Variants in RFX3 observed in about 807,000 individuals in gnomAD.
RFX3 encodes the protein regulatory factor X3.
A neutral mutation model predicts 98.6 loss-of-function variants in RFX3; 14 were observed. The observed-to-expected ratio is 0.14, with a 90% confidence interval of 0.09 to 0.22. RFX3 has a LOEUF of 0.22. RFX3 is among the 10% of genes least tolerant of loss of function. The pLI, the probability that RFX3 is intolerant of heterozygous loss-of-function variation, is 1.00. For missense variants in RFX3, 639 were observed against 926.9 expected, an observed-to-expected ratio of 0.69 and a Z score of 4.03; for synonymous variants, 383 against 328.4, an observed-to-expected ratio of 1.17 and a Z score of -1.80.
At chr9:3,399,583 A>T (rs1219045359) in intron 1 of RFX3, among the ~76,000 whole-genome samples, 2 of 152,206 alleles carry the variant, frequency 1.3e-5, no homozygotes, top group Non-Finnish European at 2.9e-5. Context: ...TGGCCTCTAT[A>T]GGCATTTGAG....
chr9:3,271,437 T>TTCCC (rs1297656248), intron 9 of RFX3, among the ~76,000 whole-genome samples: 5 of 151,678 alleles, frequency 3.3e-5, no homozygotes, highest in East Asian at 1.9e-4. Flanking sequence ...TCTTCTTTCC[T>TTCCC]TCCCTCCCTC....
At chr9:3,314,889 C>A (rs2130584279) in intron 4 of RFX3, among the ~76,000 whole-genome samples, 1 of 152,260 alleles carries the variant, frequency 6.6e-6, no homozygotes, top group East Asian at 1.9e-4. Flanking sequence ...CCTTAGAGAC[C>A]TACAAAGAGA....
chr9:3,450,348 AT>A (rs1846468468), intron 1 of RFX3, among the ~76,000 whole-genome samples: 1 of 152,166 alleles, frequency 6.6e-6, no homozygotes, highest in Admixed American at 6.5e-5. Context: ...GTTAAAATGT[AT>A]TTTAACTATC....
rs538127489 is a variant in RFX3 at position 3,293,100 on chromosome 9, T to C, written c.708A>G (p.Leu236=). The C allele has an allele frequency of 1.7e-5, 27 of 1,613,176 alleles. No individual in the cohort carries two copies. In the African/African-American group the frequency reaches 1.7e-4, roughly 10 times the overall value. Residue 236 remains leucine (L), a synonymous_variant, in exon 6 of 17, where the codon CTA becomes CTG. Transcript: ENST00000617270. ...ACCTAGTGCCCAATCTCCTGGTTCGTAGCCCCATAAAAATTGATCTTATTA... is the reference window on the plus strand; with the variant it reads ...ACCTAGTGCCCAATCTCCTGGTTCGCAGCCCCATAAAAATTGATCTTATTA... The part of the protein sequence containing the change: ...GKLIRSIFMG[L]RTRRLGTRGN...
intron 13 of RFX3, among the ~76,000 whole-genome samples, chr9:3,258,116 A>G (rs996738192): frequency 6.6e-6 from 1 of 152,160 alleles, no homozygotes; most frequent in Non-Finnish European, 1.5e-5. Flanking sequence ...TGAATAAACA[A>G]AACTAACCTC....
chr9:3,433,072 C>T (rs753141277), intron 1 of RFX3, among the ~76,000 whole-genome samples: 4 of 151,856 alleles, frequency 2.6e-5, no homozygotes, highest in African/African-American at 9.7e-5. Context: ...CTGCAGAAGC[C>T]GAGTATACAA....
chr9:3,513,423 A>G (rs552589837), intron 1 of RFX3, among the ~76,000 whole-genome samples: 89 of 152,158 alleles, frequency 5.8e-4, no homozygotes, highest in Non-Finnish European at 8.4e-4. Context: ...TTCATTTTTT[A>G]CCCCATTCCT....
At chr9:3,259,942 T>C (rs1451262169) in intron 13 of RFX3, among the ~76,000 whole-genome samples, 1 of 152,022 alleles carries the variant, frequency 6.6e-6, no homozygotes, top group African/African-American at 2.4e-5. Context: ...TGTCAGATTA[T>C]TGAGGTTCAT....
chr9:3,454,734 AT>A (rs1350263257), intron 1 of RFX3, among the ~76,000 whole-genome samples: 1 of 152,144 alleles, frequency 6.6e-6, no homozygotes, highest in African/African-American at 2.4e-5. Context: ...ATTATTGACT[AT>A]TTTTTTCCCC....
chr9:3,496,886 GGC>G (rs1851143595), intron 1 of RFX3, among the ~76,000 whole-genome samples: 1 of 151,930 alleles, frequency 6.6e-6, no homozygotes, highest in East Asian at 1.9e-4. Flanking sequence ...ATGTGGAACT[GGC>G]ATACAACTGT....
chr9:3,506,239 G>A (rs1482616193), intron 1 of RFX3, among the ~76,000 whole-genome samples: 1 of 151,292 alleles, frequency 6.6e-6, no homozygotes, highest in Non-Finnish European at 1.5e-5. Flanking sequence ...GTTTTTCAGG[G>A]TAAAGTCTCT....
chr9:3,507,619 G>T (rs1817230978), intron 1 of RFX3, among the ~76,000 whole-genome samples: 1 of 151,764 alleles, frequency 6.6e-6, no homozygotes, highest in African/African-American at 2.4e-5. Flanking sequence ...ATTGGTTCCA[G>T]GACCTCCATC....
chr9:3,384,545 A>T (rs1839506353), intron 2 of RFX3, among the ~76,000 whole-genome samples: 1 of 152,208 alleles, frequency 6.6e-6, no homozygotes, highest in Admixed American at 6.5e-5. Flanking sequence ...TAAGCTTGAG[A>T]AATAATGAGC....
At position 3,222,837 on chromosome 9, in the gene RFX3, C is replaced by G. The variant is rs1272480631; in HGVS notation, c.*2205G>C. Reference sequence around the variant, plus strand: ...TGACATTTAGATGAAGGTGATGCTACTATGCTAGTGAAGACTTTCAAATAT... The same window carrying G: ...TGACATTTAGATGAAGGTGATGCTAGTATGCTAGTGAAGACTTTCAAATAT... On this transcript the variant is annotated 3_prime_UTR_variant, in exon 17 of 17. Coordinates refer to ENST00000617270, the MANE Select transcript of RFX3 (RefSeq NM_001282116.2). 6.6e-6 allele frequency: 1 copy of G among 152,078 alleles called. No individual in the cohort carries two copies. Among genetic ancestry groups the G allele is most frequent in the Non-Finnish European group, 1.5e-5 (1 of 68,012 alleles). The allele number at this position is 152,078 out of a possible 1,614,324, so 9.4% of individuals were successfully genotyped here. A position where few individuals can be genotyped will look rare whatever the true frequency, so the allele number is the denominator to read the frequency against.
intron 2 of RFX3, among the ~76,000 whole-genome samples, chr9:3,388,276 T>C (rs1839932092): frequency 1.3e-5 from 2 of 152,122 alleles, no homozygotes; most frequent in Non-Finnish European, 2.9e-5. Context: ...GATCATTTTG[T>C]AGATACCCAA....
intron 1 of RFX3, among the ~76,000 whole-genome samples, chr9:3,507,540 G>T (rs560525018): frequency 6.6e-6 from 1 of 151,708 alleles, no homozygotes; most frequent in Admixed American, 6.6e-5. Context: ...TCACACCCAG[G>T]GCTGTTCATT....
intron 15 of RFX3, among the ~76,000 whole-genome samples, chr9:3,238,228 G>C (rs1248885353): frequency 6.6e-6 from 1 of 152,158 alleles, no homozygotes; most frequent in East Asian, 1.9e-4. Context: ...AATGCCTCTA[G>C]CTAAGTGGGA....
At chr9:3,359,010 G>A (rs1240546593) in intron 2 of RFX3, among the ~76,000 whole-genome samples, 2 of 151,658 alleles carry the variant, frequency 1.3e-5, no homozygotes, top group Non-Finnish European at 2.9e-5. Context: ...AATTCAAGGT[G>A]AGATTTGAGT....
At chr9:3,427,135 A>T (rs891460266) in intron 1 of RFX3, among the ~76,000 whole-genome samples, 4 of 150,162 alleles carry the variant, frequency 2.7e-5, no homozygotes, top group African/African-American at 9.8e-5. Flanking sequence ...ACTGCTATTG[A>T]CTTTATTTTG....
Sources: allele counts gnomAD v4.1 joint callset (sites outside exome capture counted in the v4.1 genomes callset), GRCh38; gene constraint gnomAD v4.1.1; transcripts MANE v1.5; gene names NCBI Gene and HGNC (gene_info 2026-07-23, HGNC 2026-07-21).